FGF13: variants seen among roughly 807,000 people sequenced by gnomAD.
FGF13 encodes fibroblast growth factor homologous factor 2.
FGF13 carries 2 observed loss-of-function variants against 19.5 expected under a neutral mutation model. The ratio of observed to expected loss-of-function variants is 0.10; its 90% CI spans 0.04 to 0.32. The LOEUF (loss-of-function observed/expected upper bound fraction) is 0.32. Among genes scored for constraint, FGF13 ranks in the 10% least tolerant of loss-of-function variants. The pLI, the probability that FGF13 is intolerant of heterozygous loss-of-function variation, is 1.00. For synonymous variants in FGF13, 72 were observed against 76.9 expected (o/e 0.94, Z 0.33); for missense variants, 113 against 192.7 (o/e 0.59, Z 2.45).
Position 138,708,914 on chromosome X carries a change from C to A in FGF13, c.202G>T (p.Gly68Cys). The part of the protein sequence containing the change: ...RRRRPEPQLK[G>C]IVTKLYSRQG... The stretch of plus-strand genomic sequence containing the variant: ...CGGCTGTATAGCTTGGTAACTATAC[C>A]CTTAAGCTGAGGCTCTGCAAAGAGA... The change falls in exon 2 of 5, where the codon GGT (glycine) becomes TGT (cysteine). Residue 68 changes from glycine to cysteine, a missense_variant. By Grantham distance (159) the Gly-to-Cys change is radical. Around this residue, in one of 4 missense-constraint regions of FGF13, gnomAD observed 51 missense variants for 78.5 expected, o/e 0.65. Transcript: ENST00000315930. 8.5e-7 allele frequency: 1 copy of A among 1,183,328 alleles called. No homozygotes were observed. The highest frequency in any genetic ancestry group is 1.1e-6 in the Non-Finnish European group (1 of 872,370).
intron 1 of FGF13, among the ~76,000 whole-genome samples, chrX:138,996,989 C>G (rs1233365165): frequency 8.9e-6 from 1 of 112,159 alleles, no homozygotes; most frequent in East Asian, 2.8e-4. Context: ...AAGTATCAGG[C>G]AGCAATAGTT....
intron 1 of FGF13, among the ~76,000 whole-genome samples, chrX:139,192,903 A>G (rs7065061): frequency 0.051 from 5,733 of 111,728 alleles, 269 homozygotes; most frequent in African/African-American, 0.15. Flanking sequence ...TTTCCCTAAG[A>G]AAACTTGCAA....
intron 1 of FGF13, among the ~76,000 whole-genome samples, chrX:138,719,109 G>A: frequency 8.9e-6 from 1 of 112,249 alleles, no homozygotes. Flanking sequence ...TGTATACAAG[G>A]CCAGACCTTT....
At chrX:138,893,013 G>A (rs779042975) in intron 1 of FGF13, among the ~76,000 whole-genome samples, 1 of 110,244 alleles carries the variant, frequency 9.1e-6, no homozygotes, top group Non-Finnish European at 1.9e-5. Context: ...TGAAGGTGAT[G>A]TTGTAAGAAG....
At chrX:139,092,271 TGA>T (rs1222708879) in intron 1 of FGF13, among the ~76,000 whole-genome samples, 2 of 112,559 alleles carry the variant, frequency 1.8e-5, no homozygotes, top group Non-Finnish European at 3.8e-5. Context: ...TAAAAGGATG[TGA>T]CTCACTAAAT....
At chrX:139,078,748 C>T (rs942091377) in intron 1 of FGF13, among the ~76,000 whole-genome samples, 1 of 112,630 alleles carries the variant, frequency 8.9e-6, no homozygotes, top group African/African-American at 3.2e-5. Flanking sequence ...GCAAACAGAA[C>T]ATCAAAACGC....
At chrX:138,976,442 A>G (rs2091940022) in intron 1 of FGF13, among the ~76,000 whole-genome samples, 1 of 111,752 alleles carries the variant, frequency 8.9e-6, no homozygotes, top group Non-Finnish European at 1.9e-5. Context: ...GAAGTAACTC[A>G]GGAATGGAAA....
chrX:138,871,651 G>A (rs1364466345), intron 1 of FGF13, among the ~76,000 whole-genome samples: 1 of 112,277 alleles, frequency 8.9e-6, no homozygotes, highest in Non-Finnish European at 1.9e-5. Context: ...AGACATTGGC[G>A]CAGAGGCTGG....
At chrX:139,062,329 TTG>T (rs1171626139) in intron 1 of FGF13, among the ~76,000 whole-genome samples, 2 of 111,945 alleles carry the variant, frequency 1.8e-5, no homozygotes, top group East Asian at 5.6e-4. Context: ...CCCTTCCTCA[TTG>T]TGTGTTCTTG....
At chrX:139,132,366 A>G (rs745806018) in intron 1 of FGF13, among the ~76,000 whole-genome samples, 1 of 112,209 alleles carries the variant, frequency 8.9e-6, no homozygotes, top group African/African-American at 3.2e-5. Flanking sequence ...TTGCTTTTTA[A>G]AATGTCTAGG....
intron 1 of FGF13, among the ~76,000 whole-genome samples, chrX:139,130,131 T>A (rs1046195708): frequency 6.2e-5 from 7 of 112,280 alleles, no homozygotes; most frequent in African/African-American, 1.9e-4. Flanking sequence ...CTTATTCTTC[T>A]ATACAAATTT....
chrX:139,152,341 C>A (rs920061603), intron 1 of FGF13, among the ~76,000 whole-genome samples: 10 of 99,160 alleles, frequency 1.0e-4, no homozygotes, highest in Non-Finnish European at 2.2e-4. Flanking sequence ...AAAAAAACGA[C>A]GAGGCCAGTA....
intron 3 of FGF13, among the ~76,000 whole-genome samples, chrX:138,794,334 A>G (rs1324443401): frequency 2.7e-5 from 3 of 111,863 alleles, no homozygotes; most frequent in Non-Finnish European, 5.6e-5. Flanking sequence ...GCAAAACTAT[A>G]CAAGTTGCCA....
intron 1 of FGF13, among the ~76,000 whole-genome samples, chrX:138,880,312 C>T (rs1415492697): frequency 9.0e-6 from 1 of 111,486 alleles, no homozygotes; most frequent in African/African-American, 3.3e-5. Flanking sequence ...ACCATTTGAC[C>T]CAGCAATCCC....
At chrX:138,854,613 G>T (rs2091245884), downstream of FGF13, among the ~76,000 whole-genome samples, 1 of 112,167 alleles carries the variant, frequency 8.9e-6, no homozygotes, top group African/African-American at 3.2e-5. Flanking sequence ...TATCAATTTA[G>T]TAATTCCAAC....
chrX:138,710,329 G>GA (rs1319962164), intron 1 of FGF13, among the ~76,000 whole-genome samples: 5 of 99,800 alleles, frequency 5.0e-5, no homozygotes. Context: ...AGTCATCAAA[G>GA]AAACGCAATG....
At chrX:139,161,105 C>A (rs5976292) in intron 1 of FGF13, among the ~76,000 whole-genome samples, 8,629 of 111,834 alleles carry the variant, frequency 0.077, 463 homozygotes, top group African/African-American at 0.19. Context: ...CAATAAAATA[C>A]TGGCAAAATG....
At chrX:139,103,849 G>A (rs2083535965) in intron 1 of FGF13, among the ~76,000 whole-genome samples, 1 of 111,851 alleles carries the variant, frequency 8.9e-6, no homozygotes, top group East Asian at 2.8e-4. Flanking sequence ...AAGGAAGATG[G>A]AGATAATGTC....
At chrX:138,932,336 T>C (rs1309967845) in intron 1 of FGF13, among the ~76,000 whole-genome samples, 1 of 110,951 alleles carries the variant, frequency 9.0e-6, no homozygotes, top group Non-Finnish European at 1.9e-5. Context: ...ATCCCAACAC[T>C]TTGGGAGGCC....
Sources: allele counts gnomAD v4.1 joint callset (sites outside exome capture counted in the v4.1 genomes callset), GRCh38; gene constraint gnomAD v4.1.1; regional missense constraint gnomAD v4.1.1; transcripts MANE v1.5; gene names NCBI Gene and HGNC (gene_info 2026-07-23, HGNC 2026-07-21).